The following RNF24 variants were observed in gnomAD, a reference collection of about 807,000 sequenced individuals.
RNF24 encodes the protein ring finger protein 24.
A neutral mutation model predicts 20.0 loss-of-function variants in RNF24; 14 were observed. That is an observed-to-expected ratio of 0.70 (90% CI 0.46 to 1.10). The LOEUF is 1.10. RNF24 is among the 50% of genes least tolerant of loss of function. The pLI is 0.00. For synonymous variants in RNF24, 45 were observed against 61.1 expected, an observed-to-expected ratio of 0.74 and a Z score of 1.23; for missense variants, 124 against 177.6, an observed-to-expected ratio of 0.70 and a Z score of 1.71.
chr20:4,012,895 C>G (rs1161244657), intron 1 of RNF24, among the ~76,000 whole-genome samples: 2 of 152,120 alleles, frequency 1.3e-5, no homozygotes, highest in African/African-American at 4.8e-5. Context: ...AAGACTTCCC[C>G]TTACGGTTTG....
Position 3,934,204 on chromosome 20 carries a change from G to A in RNF24, c.309-3C>T, listed in dbSNP as rs2090862466. 2 of 1,605,368 alleles carry A rather than the reference G, an allele frequency of 1.2e-6. No homozygotes were observed. Among genetic ancestry groups the A allele is most frequent in the Non-Finnish European group, 1.7e-6 (2 of 1,175,774 alleles). ...CCTCCAGCCACTTAATAAGGCACCTGCAGAAGGAGACACCACAGGGGGAAG... is the reference window on the plus strand; with the variant it reads ...CCTCCAGCCACTTAATAAGGCACCTACAGAAGGAGACACCACAGGGGGAAG... On this transcript the variant is annotated splice_region_variant and splice_polypyrimidine_tract_variant and intron_variant, in intron 5 of 5. Transcript: ENST00000358395. This position sits in a 1 kb window ranked among gnomAD's most constrained non-coding sequence, Gnocchi z 4.0.
intron 1 of RNF24, among the ~76,000 whole-genome samples, chr20:3,971,404 GA>G (rs1315170632): frequency 6.6e-6 from 1 of 152,152 alleles, no homozygotes; most frequent in African/African-American, 2.4e-5. Flanking sequence ...GAAATGATAA[GA>G]AAAGGAACCT....
At position 3,931,902 on chromosome 20, in the gene RNF24, C is replaced by G. The variant is rs765675519; in HGVS notation, c.*2161G>C. On this transcript the variant is annotated 3_prime_UTR_variant, in exon 6 of 6. Coordinates refer to ENST00000358395, the MANE Select transcript of RNF24 (RefSeq NM_001134337.3). The stretch of plus-strand genomic sequence containing the variant: ...CCTCAACATGCCTGTGGCTCTGACA[C>G]GGGGGGATGAATTAACTTGCCTCTG... 6.6e-6 allele frequency: 1 copy of G among 152,140 alleles called. No homozygotes were observed. Among genetic ancestry groups the G allele is most frequent in the Middle Eastern group, 3.2e-3 (1 of 316 alleles). The allele number at this position is 152,140 out of a possible 1,614,324, so 9.4% of individuals were successfully genotyped here. A position where few individuals can be genotyped will look rare whatever the true frequency, so the allele number is the denominator to read the frequency against.
At chr20:3,936,383 G>T (rs1013807683) in intron 4 of RNF24, among the ~76,000 whole-genome samples, 2 of 152,162 alleles carry the variant, frequency 1.3e-5, no homozygotes, top group African/African-American at 4.8e-5. Flanking sequence ...GACATGGCCT[G>T]TCCCACCCTA....
rs1285555778 is a variant in RNF24, at chr20:3,994,409, TAGAAATCA to T, written c.-8+21020_-8+21027del. ...ACACCTACCTCTGGAGTATAACAGATAGAAATCAATACAACTCTGTTTAATGGAGCAGT... is the reference window on the plus strand; with the variant it reads ...ACACCTACCTCTGGAGTATAACAGATATACAACTCTGTTTAATGGAGCAGT... On this transcript the variant is annotated intron_variant, in intron 1 of 5. Transcript: ENST00000358395. Among the ~76,000 whole-genome samples the T allele has an allele frequency of 5.2e-4, 79 of 152,326 alleles. 1 individual carries two copies. The South Asian group carries it at 0.015, about 29-fold the overall frequency.
At chr20:3,976,170 C>A (rs933874073) in intron 1 of RNF24, among the ~76,000 whole-genome samples, 1 of 152,100 alleles carries the variant, frequency 6.6e-6, no homozygotes, top group Non-Finnish European at 1.5e-5. Flanking sequence ...CAGTTTATGG[C>A]ACGTTGTTAA....
At chr20:3,949,199 G>C (rs241643) in intron 2 of RNF24, among the ~76,000 whole-genome samples, 47,331 of 152,036 alleles carry the variant, frequency 0.31, 8,089 homozygotes, top group African/African-American at 0.46. Context: ...GGTCAACAGG[G>C]AGAAACCCCG....
intron 1 of RNF24, among the ~76,000 whole-genome samples, chr20:4,006,319 A>C (rs1332360598): frequency 6.6e-6 from 1 of 152,086 alleles, no homozygotes; most frequent in Non-Finnish European, 1.5e-5. Context: ...CGGTGAGCAG[A>C]AAGAGCACCA....
At position 3,938,082 on chromosome 20, in the gene RNF24, G is replaced by A. The variant is rs1041481795; in HGVS notation, c.229-3009C>T. 1.9e-4 allele frequency among the ~76,000 whole-genome samples: 29 copies of A among 152,248 alleles called. No individual in the cohort carries two copies. In the East Asian group the frequency reaches 3.7e-3, roughly 19 times the overall value. The stretch of plus-strand genomic sequence containing the variant: ...CATTTTACGTTCCTACCAGCAGTAC[G>A]TATGGGTTGTAATTTCTCCATATCA... On this transcript the variant is annotated intron_variant, in intron 4 of 5. Transcript: ENST00000358395.
chr20:3,985,979 GT>G (rs1312275579), intron 1 of RNF24, among the ~76,000 whole-genome samples: 1 of 152,102 alleles, frequency 6.6e-6, no homozygotes, highest in Non-Finnish European at 1.5e-5. Context: ...TTTGAGGCTG[GT>G]CTTGAACTCC....
At chr20:3,998,869 C>G (rs1191682874) in intron 1 of RNF24, among the ~76,000 whole-genome samples, 1 of 151,676 alleles carries the variant, frequency 6.6e-6, no homozygotes, top group African/African-American at 2.4e-5. Context: ...CATCTGAGGT[C>G]AGGAGGTCAA....
At chr20:3,946,718 T>C (rs1346293963) in intron 3 of RNF24, among the ~76,000 whole-genome samples, 1 of 148,650 alleles carries the variant, frequency 6.7e-6, no homozygotes, top group Non-Finnish European at 1.5e-5. Flanking sequence ...AAAAAGATTA[T>C]GATAGGACTG....
chr20:4,003,845 T>G (rs758500109), intron 1 of RNF24, among the ~76,000 whole-genome samples: 1 of 152,056 alleles, frequency 6.6e-6, no homozygotes, highest in Non-Finnish European at 1.5e-5. Context: ...GGTTTCGCCA[T>G]GTTGGACAGG....
intron 2 of RNF24, among the ~76,000 whole-genome samples, chr20:3,958,644 CTG>C (rs2091168662): frequency 6.6e-6 from 1 of 152,044 alleles, no homozygotes; most frequent in Non-Finnish European, 1.5e-5. Context: ...TTCTGTGCCC[CTG>C]TGTGTGTTTG....
chr20:3,985,899 C>T (rs1489352339), intron 1 of RNF24, among the ~76,000 whole-genome samples: 10 of 151,828 alleles, frequency 6.6e-5, no homozygotes, highest in Non-Finnish European at 1.0e-4. Flanking sequence ...CCACCACGCC[C>T]GGCTAATTTT....
intron 1 of RNF24, among the ~76,000 whole-genome samples, chr20:3,997,558 C>G (rs867143674): frequency 1.3e-5 from 2 of 152,130 alleles, no homozygotes; most frequent in Middle Eastern, 6.8e-3. Context: ...TCCAGAGTAG[C>G]TCGAACCACA....
At chr20:4,013,223 T>G (rs1322965221) in intron 1 of RNF24, among the ~76,000 whole-genome samples, 1 of 152,190 alleles carries the variant, frequency 6.6e-6, no homozygotes, top group Non-Finnish European at 1.5e-5. Flanking sequence ...TATCCTGAAC[T>G]GACCATGGAA....
intron 4 of RNF24, among the ~76,000 whole-genome samples, chr20:3,939,146 C>T (rs901725029): frequency 1.3e-5 from 2 of 152,018 alleles, no homozygotes; most frequent in Non-Finnish European, 2.9e-5. Context: ...AAGATTTATA[C>T]ATCTATGTTT....
At chr20:3,942,079 A>G (rs1038971929) in intron 4 of RNF24, among the ~76,000 whole-genome samples, 34 of 150,704 alleles carry the variant, frequency 2.3e-4, no homozygotes, top group African/African-American at 8.4e-4. Context: ...ATCTCAAAAA[A>G]GAAAAAAAAA....
Sources: gnomAD v4.1 joint callset for allele counts (sites outside exome capture counted in the v4.1 genomes callset) on GRCh38, gnomAD v4.1.1 for gene constraint, Gnocchi (gnomAD v3.1) non-coding constraint, MANE v1.5 for transcripts, NCBI Gene and HGNC (gene_info 2026-07-23, HGNC 2026-07-21) for gene names.